Variants in APC observed in about 807,000 individuals in gnomAD.
The protein encoded by APC is adenomatous polyposis coli protein.
Under a neutral mutation model 247.0 loss-of-function variants are expected in APC, and 72 were observed. That is an observed-to-expected ratio of 0.29 (90% confidence interval 0.24 to 0.35). The LOEUF is 0.35. Among genes scored for constraint, APC ranks in the 10% least tolerant of loss-of-function variants. The probability of loss-of-function intolerance (pLI) is 1.00; values close to 1 mark genes in which losing one functional copy is unlikely to be tolerated. For missense variants in APC, 3,400 were observed against 3,360.7 expected, an observed-to-expected ratio of 1.01 and a Z score of -0.29; for synonymous variants, 1,254 against 1,162.5, an observed-to-expected ratio of 1.08 and a Z score of -1.60.
At chr5:112,722,398 G>T (rs1958763688) in intron 1 of APC, among the ~76,000 whole-genome samples, 1 of 152,140 alleles carries the variant, frequency 6.6e-6, no homozygotes, top group African/African-American at 2.4e-5. Flanking sequence ...CCAATTAAAT[G>T]AATTAAAAAA....
At chr5:112,837,519 A>T (rs2149857049) in intron 15 of APC, 34 bp from the exon 16 acceptor site, 1 of 1,522,934 alleles carries the variant, frequency 6.6e-7, no homozygotes, top group Non-Finnish European at 9.1e-7. Flanking sequence ...ACACATTGTG[A>T]CCTTAATTTT....
At chr5:112,801,461 G>T (rs1340079840) in intron 8 of APC, 78 bp downstream of exon 8, 2 of 1,087,664 alleles carry the variant, frequency 1.8e-6, no homozygotes, top group Non-Finnish European at 2.7e-6. Flanking sequence ...TTCTAAGAAT[G>T]ATCTATAAAT....
At chr5:112,791,497 C>T (rs775455413) in intron 6 of APC, among the ~76,000 whole-genome samples, 4 of 152,108 alleles carry the variant, frequency 2.6e-5, no homozygotes, top group East Asian at 1.9e-4. Context: ...AGCATGAACC[C>T]GCTTGTGAAC....
At position 112,840,087 on chromosome 5, in the gene APC, A is replaced by G. The variant is rs587779793; in HGVS notation, c.4493A>G (p.Asp1498Gly). Residue 1498 changes from aspartate to glycine, a missense_variant, in exon 16 of 16, where the codon GAT becomes GGT. Coordinates refer to ENST00000257430, the MANE Select transcript of APC (RefSeq NM_000038.6). The surrounding 1 kb of genome is among the most constrained non-coding windows in gnomAD (Gnocchi z 4.1). ...LLHFATESTP[D>G]GFSCSSSLSA... ...CATTTTGCCACGGAAAGTACTCCAG[A>G]TGGATTTTCTTGTTCATCCAGCCTG... 4 of 1,614,160 alleles carry G rather than the reference A, an allele frequency of 2.5e-6. No individual in the cohort carries two copies. In the East Asian group the frequency reaches 8.9e-5, roughly 36 times the overall value.
intron 1 of APC, among the ~76,000 whole-genome samples, chr5:112,728,563 A>AG (rs1270829678): frequency 2.0e-5 from 3 of 152,264 alleles, no homozygotes; most frequent in Non-Finnish European, 4.4e-5. Flanking sequence ...TTAAGAATTT[A>AG]GAAAAATAAA....
rs1554087570 is a variant in APC, at chr5:112,842,205, G to T, written c.6611G>T (p.Arg2204Leu). 6.2e-7 allele frequency: 1 copy of T among 1,613,326 alleles called. No individual in the cohort carries two copies. The highest frequency in any genetic ancestry group is 8.5e-7 in the Non-Finnish European group (1 of 1,179,320). ...AAAAGTTTGATTACTGGAAAAGTTCGATCTAATTCAGAAATTTCAGGCCAA... is the reference window on the plus strand; with the variant it reads ...AAAAGTTTGATTACTGGAAAAGTTCTATCTAATTCAGAAATTTCAGGCCAA... The part of the protein sequence containing the change: ...VYKSLITGKV[R>L]SNSEISGQMK... Residue 2204 changes from arginine to leucine, a missense_variant, in exon 16 of 16, where the codon CGA becomes CTA. Coordinates refer to ENST00000257430, the MANE Select transcript of APC (RefSeq NM_000038.6).
rs1302045127 is a variant in APC at position 112,707,808 on chromosome 5, A to C, written c.91A>C (p.Arg31=). The C allele has an allele frequency of 5.8e-6, 8 of 1,370,578 alleles. No individual in the cohort carries two copies. In the South Asian group the frequency reaches 9.8e-5, roughly 17 times the overall value. 84.9% of individuals were successfully genotyped at this position (1,370,578 alleles called of 1,614,324 possible). The stretch of plus-strand genomic sequence containing the variant: ...CGGGTCCTGGAGCACCGGCGGCAGC[A>C]GGAGCTGCGTCCGGCAGGAGACGAA... The change falls in exon 1 of 14, where the codon AGG becomes CGG. Residue 31 remains arginine, a synonymous_variant. Transcript: ENST00000507379.
intron 10 of APC, among the ~76,000 whole-genome samples, chr5:112,821,036 T>C (rs1436352057): frequency 1.3e-5 from 2 of 151,206 alleles, no homozygotes; most frequent in African/African-American, 4.9e-5. Context: ...ACTAATTTTT[T>C]TTTTTTTTTT....
chr5:112,737,283 G>A (rs1377743220), upstream of APC, among the ~76,000 whole-genome samples: 4 of 152,136 alleles, frequency 2.6e-5, no homozygotes, highest in Non-Finnish European at 4.4e-5. Flanking sequence ...TAAAGTTACA[G>A]AGCTAGAGTG....
chr5:112,763,307 T>C (rs1755876178), intron 2 of APC, among the ~76,000 whole-genome samples: 1 of 151,860 alleles, frequency 6.6e-6, no homozygotes, highest in South Asian at 2.1e-4. Flanking sequence ...TATATATATA[T>C]TCTTTTCTCT....
At chr5:112,707,930 C>A (rs1349403849) in intron 1 of APC, 1 of 1,305,914 alleles carries the variant, frequency 7.7e-7, no homozygotes, top group East Asian at 3.5e-5. Context: ...AAAGCTTCCT[C>A]GGCTTTGCCC....
In APC at chr5:112,838,604, C is replaced by G. The variant is rs1580629859; in HGVS notation, c.3010C>G (p.Leu1004Val). Residue 1004 changes from leucine (L) to valine (V), a missense_variant, in exon 16 of 16, where the codon CTA becomes GTA. By Grantham distance (32) the Leu-to-Val change is conservative. Around this residue, in one of 9 missense-constraint regions of APC, gnomAD observed 715 missense variants for 656.6 expected, o/e 1.09. Transcript: ENST00000257430. ...CAGTTATGGTCAATACCCAGCCGAC[C>G]TAGCCCATAAAATACATAGTGCAAA... ...FCSYGQYPAD[L>V]AHKIHSANHM... 6.2e-7 allele frequency: 1 copy of G among 1,614,092 alleles called. No individual in the cohort carries two copies. Among genetic ancestry groups the G allele is most frequent in the Non-Finnish European group, 8.5e-7 (1 of 1,180,018 alleles).
At chr5:112,761,198 A>G (rs937370931) in intron 2 of APC, among the ~76,000 whole-genome samples, 1 of 152,172 alleles carries the variant, frequency 6.6e-6, no homozygotes, top group Non-Finnish European at 1.5e-5. Context: ...AAATACTATC[A>G]ATCATCTTAA....
At chr5:112,764,635 A>G (rs956764874) in intron 2 of APC, among the ~76,000 whole-genome samples, 1 of 152,244 alleles carries the variant, frequency 6.6e-6, no homozygotes, top group Non-Finnish European at 1.5e-5. Flanking sequence ...TGGAAAAGTG[A>G]GTCTGAAGTT....
rs1554087174 is a variant in APC, at chr5:112,841,659, C to A, written c.6065C>A (p.Ser2022Ter). Residue 2022 changes from serine to a stop codon, truncating the protein, a stop_gained, in exon 16 of 16, where the codon TCA (serine) becomes TAA (stop). Coordinates refer to ENST00000257430, the MANE Select transcript of APC (RefSeq NM_000038.6). LOFTEE classifies it high-confidence loss of function. This position sits in a 1 kb window ranked among gnomAD's most constrained non-coding sequence, Gnocchi z 4.6. ...GTTGAAGATACCCCAGTTTGTTTCT[C>A]AAGAAACAGTTCTCTCAGTTCTCTT... Reference protein sequence around the residue: ...FHVEDTPVCFSRNSSLSSLSI... With the variant: ...FHVEDTPVCF The A allele has an allele frequency of 1.2e-6, 2 of 1,613,422 alleles. No homozygotes were observed. The highest frequency in any genetic ancestry group is 2.2e-5 in the South Asian group (2 of 91,048).
intron 7 of APC, 72 bp from the exon 8 acceptor site, chr5:112,801,207 A>G: frequency 7.8e-7 from 1 of 1,283,638 alleles, no homozygotes; most frequent in Non-Finnish European, 1.1e-6. Context: ...AAAGCAAAAA[A>G]AGAAAAAAAG....
At chr5:112,809,244 G>A (rs1004489987) in intron 8 of APC, among the ~76,000 whole-genome samples, 3 of 151,550 alleles carry the variant, frequency 2.0e-5, no homozygotes, top group Non-Finnish European at 2.9e-5. Flanking sequence ...TGAGGTCCCA[G>A]CTACTTGGGA....
intron 2 of APC, among the ~76,000 whole-genome samples, chr5:112,757,318 T>C (rs1016023041): frequency 6.6e-6 from 1 of 152,184 alleles, no homozygotes; most frequent in African/African-American, 2.4e-5. Flanking sequence ...TGGCACTTCC[T>C]ACTGTGGATT....
intron 14 of APC, among the ~76,000 whole-genome samples, chr5:112,833,057 T>C (rs1764467171): frequency 6.6e-6 from 1 of 151,980 alleles, no homozygotes; most frequent in Admixed American, 6.6e-5. Context: ...TGCTTTTGCT[T>C]TTGCTTTTTT....
Sources: allele counts gnomAD v4.1 joint callset (sites outside exome capture counted in the v4.1 genomes callset), GRCh38; gene constraint gnomAD v4.1.1; regional missense constraint gnomAD v4.1.1; non-coding constraint Gnocchi (gnomAD v3.1); transcripts MANE v1.5; gene names NCBI Gene and HGNC (gene_info 2026-07-23, HGNC 2026-07-21).